The following DACH2 variants were observed in gnomAD, a reference collection of about 807,000 sequenced individuals.
The protein encoded by DACH2 is dachshund family transcription factor 2.
A neutral mutation model predicts 35.8 loss-of-function variants in DACH2; 17 were observed. The observed-to-expected ratio is 0.48, with a 90% CI of 0.33 to 0.71. The LOEUF (loss-of-function observed/expected upper bound fraction) is 0.71. Among genes scored for constraint, DACH2 ranks in the 30% least tolerant of loss-of-function variants. DACH2 has a pLI of 0.02. For synonymous variants in DACH2, 195 were observed against 177.3 expected, an observed-to-expected ratio of 1.10 and a Z score of -0.79; for missense variants, 469 against 472.7, an observed-to-expected ratio of 0.99 and a Z score of 0.07.
intron 7 of DACH2, among the ~76,000 whole-genome samples, chrX:86,750,795 A>G (rs760889824): frequency 1.8e-5 from 2 of 111,515 alleles, no homozygotes; most frequent in East Asian, 5.7e-4. Context: ...GCTGAATAAT[A>G]TTTTATTGTA....
chrX:86,335,380 C>G (rs1361878853), intron 1 of DACH2, among the ~76,000 whole-genome samples: 4 of 111,910 alleles, frequency 3.6e-5, no homozygotes, highest in Non-Finnish European at 5.6e-5. Flanking sequence ...TCTTCCTATC[C>G]ATAACATGAA....
chrX:86,734,433 G>A (rs767435519), intron 6 of DACH2, among the ~76,000 whole-genome samples: 13 of 111,147 alleles, frequency 1.2e-4, no homozygotes, highest in African/African-American at 4.2e-4. Flanking sequence ...GAGAAACAAG[G>A]TAAGAGTATT....
chrX:86,471,311 AT>A (rs1443412746), intron 2 of DACH2, among the ~76,000 whole-genome samples: 1 of 111,508 alleles, frequency 9.0e-6, no homozygotes. Flanking sequence ...GTTAATTGTA[AT>A]TAATGTTTAG....
At chrX:86,454,002 A>T (rs1348759299) in intron 2 of DACH2, among the ~76,000 whole-genome samples, 3 of 111,592 alleles carry the variant, frequency 2.7e-5, no homozygotes, top group Admixed American at 9.6e-5. Context: ...GAATTTGCTT[A>T]TCTGAAAAGC....
intron 1 of DACH2, among the ~76,000 whole-genome samples, chrX:86,213,641 C>T (rs754400293): frequency 4.2e-4 from 46 of 110,758 alleles, no homozygotes; most frequent in African/African-American, 1.4e-3. Context: ...CCAATTTACG[C>T]CCATGCCTAA....
At chrX:86,656,186 T>C in intron 4 of DACH2, among the ~76,000 whole-genome samples, 1 of 110,820 alleles carries the variant, frequency 9.0e-6, no homozygotes, top group Non-Finnish European at 1.9e-5. Context: ...TTTCTAGGAG[T>C]TGGGTAAGAA....
intron 3 of DACH2, among the ~76,000 whole-genome samples, chrX:86,579,046 A>G (rs115388432): frequency 0.021 from 2,352 of 110,087 alleles, 69 homozygotes; most frequent in African/African-American, 0.074. Context: ...ATCTGCATAT[A>G]TTATTTGGTG....
chrX:86,193,757 C>T (rs1385298993), intron 1 of DACH2, among the ~76,000 whole-genome samples: 1 of 110,710 alleles, frequency 9.0e-6, no homozygotes, highest in Non-Finnish European at 1.9e-5. Context: ...ATTGCCCTTA[C>T]CAATTTTTAA....
At chrX:86,333,184 A>G (rs1441884944) in intron 1 of DACH2, among the ~76,000 whole-genome samples, 1 of 111,954 alleles carries the variant, frequency 8.9e-6, no homozygotes, top group Non-Finnish European at 1.9e-5. Flanking sequence ...TTGATTTCCA[A>G]TTTTTGAAGT....
chrX:86,212,281 T>C (rs941043916), intron 1 of DACH2, among the ~76,000 whole-genome samples: 4 of 111,724 alleles, frequency 3.6e-5, no homozygotes, highest in African/African-American at 1.3e-4. Context: ...TAAATAGACA[T>C]TAGATTGCTT....
chrX:86,400,958 C>G (rs756886122), intron 2 of DACH2, among the ~76,000 whole-genome samples: 2 of 112,475 alleles, frequency 1.8e-5, no homozygotes, highest in African/African-American at 6.5e-5. Flanking sequence ...TTTTGTTTGT[C>G]GGTGCCCTGC....
intron 3 of DACH2, among the ~76,000 whole-genome samples, chrX:86,532,814 A>G (rs761976477): frequency 1.6e-4 from 18 of 111,020 alleles, no homozygotes; most frequent in East Asian, 2.8e-4. Flanking sequence ...TATGATCTCA[A>G]TTTCCCAAAT....
intron 3 of DACH2, among the ~76,000 whole-genome samples, chrX:86,542,671 G>T (rs2038902156): frequency 9.0e-6 from 1 of 111,596 alleles, no homozygotes; most frequent in African/African-American, 3.3e-5. Flanking sequence ...AAGACACAAG[G>T]TATCAGATTT....
chrX:86,325,740 T>G (rs907735191), intron 1 of DACH2, among the ~76,000 whole-genome samples: 2 of 111,617 alleles, frequency 1.8e-5, no homozygotes, highest in Non-Finnish European at 3.8e-5. Context: ...GCCGTTATTG[T>G]GGAGTGTTGT....
At chrX:86,761,908 C>T (rs1189687173) in intron 7 of DACH2, among the ~76,000 whole-genome samples, 6 of 76,541 alleles carry the variant, frequency 7.8e-5, no homozygotes, top group African/African-American at 3.0e-4. Flanking sequence ...ACGTGGCTTG[C>T]TTAGATGCTA....
chrX:86,519,761 T>C (rs1426522727), intron 3 of DACH2, among the ~76,000 whole-genome samples: 2 of 111,248 alleles, frequency 1.8e-5, no homozygotes, highest in Non-Finnish European at 3.8e-5. Context: ...TCATCTCTAA[T>C]TGTGTTTATT....
chrX:86,800,251 A>G (rs2042279074), intron 7 of DACH2, among the ~76,000 whole-genome samples: 1 of 112,233 alleles, frequency 8.9e-6, no homozygotes, highest in Non-Finnish European at 1.9e-5. Flanking sequence ...TTTATGCCAC[A>G]ATACAATGCA....
intron 1 of DACH2, among the ~76,000 whole-genome samples, chrX:86,373,239 A>G (rs1349420943): frequency 1.8e-5 from 2 of 110,588 alleles, no homozygotes; most frequent in African/African-American, 6.6e-5. Context: ...GTTCTTTGAG[A>G]AATCCCCAAA....
intron 1 of DACH2, among the ~76,000 whole-genome samples, chrX:86,233,298 T>G (rs1429341402): frequency 9.0e-6 from 1 of 111,659 alleles, no homozygotes; most frequent in Non-Finnish European, 1.9e-5. Flanking sequence ...GACACAAGTT[T>G]ACCTATATAA....
Sources: allele counts gnomAD v4.1 joint callset (sites outside exome capture counted in the v4.1 genomes callset), GRCh38; gene constraint gnomAD v4.1.1; transcripts MANE v1.5; gene names NCBI Gene and HGNC (gene_info 2026-07-23, HGNC 2026-07-21).